The following MYO1A variants were observed in gnomAD, a reference collection of about 807,000 sequenced individuals.
MYO1A encodes unconventional myosin-Ia.
Under a neutral mutation model 138.5 loss-of-function variants are expected in MYO1A, and 127 were observed. The observed-to-expected ratio is 0.92, with a 90% CI of 0.79 to 1.06. The LOEUF is 1.06. MYO1A is among the 50% of genes least tolerant of loss of function. MYO1A has a pLI of 0.00. For synonymous variants in MYO1A, 477 were observed against 497.5 expected, an observed-to-expected ratio of 0.96 and a Z score of 0.55; for missense variants, 1,211 against 1,288.8, an observed-to-expected ratio of 0.94 and a Z score of 0.92.
chr12:57,049,571 A>G (rs909946566), intron 1 of MYO1A, among the ~76,000 whole-genome samples: 1 of 152,248 alleles, frequency 6.6e-6, no homozygotes, highest in African/African-American at 2.4e-5. Context: ...GGAATCATGC[A>G]GCGTTTACCA....
chr12:57,029,543 G>A lies in MYO1A; in HGVS notation c.2769C>T (p.Leu923=). 1 of 1,614,156 alleles carries A rather than the reference G, an allele frequency of 6.2e-7. No homozygotes were observed. Among genetic ancestry groups the A allele is most frequent in the Non-Finnish European group, 8.5e-7 (1 of 1,179,976 alleles). Residue 923 remains leucine, a synonymous_variant, in exon 26 of 28, where the codon CTC becomes CTT. Transcript: ENST00000300119. ...TGGCCTGGGACTTCTTGGTGTCTGTGAGAATCACATGGCCCTTGGTCAGGA... is the reference window on the plus strand; with the variant it reads ...TGGCCTGGGACTTCTTGGTGTCTGTAAGAATCACATGGCCCTTGGTCAGGA... The part of the protein sequence containing the change: ...ILLLTKGHVI[L]TDTKKSQAKI...
chr12:57,046,814 C>T, intron 7 of MYO1A, 49 bp downstream of exon 7: 1 of 1,590,716 alleles, frequency 6.3e-7, no homozygotes, highest in Admixed American at 1.7e-5. Context: ...CAGAAAGGGC[C>T]ATGGGAGGCA....
chr12:57,046,173 C>T (rs2031084213), intron 8 of MYO1A, among the ~76,000 whole-genome samples: 1 of 152,146 alleles, frequency 6.6e-6, no homozygotes, highest in Non-Finnish European at 1.5e-5. Context: ...AACATTCTGC[C>T]TGCTTCCCTG....
In MYO1A at chr12:57,044,172, G is replaced by A; in HGVS notation, c.678C>T (p.Ala226=). The A allele has an allele frequency of 1.2e-6, 2 of 1,614,174 alleles. No individual in the cohort carries two copies. The highest frequency in any genetic ancestry group is 1.3e-5 in the African/African-American group (1 of 75,046). ...CTCTGGATACTTCATGATTCAGATAGGCATAGCCAGTTGTATCCCGCTCAA... is the reference window on the plus strand; with the variant it reads ...CTCTGGATACTTCATGATTCAGATAAGCATAGCCAGTTGTATCCCGCTCAA... ...LKLERDTTGY[A]YLNHEVSRVD... Residue 226 remains alanine (A), a synonymous_variant, in exon 9 of 28, where the codon GCC becomes GCT. Coordinates refer to ENST00000300119, the MANE Select transcript of MYO1A (RefSeq NM_005379.4).
At chr12:57,030,109 C>T in intron 24 of MYO1A, 101 bp downstream of exon 24, 1 of 1,283,318 alleles carries the variant, frequency 7.8e-7, no homozygotes, top group Non-Finnish European at 1.1e-6. Flanking sequence ...AGGGACACAG[C>T]ACCTGGGGGT....
intron 14 of MYO1A, among the ~76,000 whole-genome samples, chr12:57,040,582 G>A (rs1160301280): frequency 6.6e-6 from 1 of 152,176 alleles, no homozygotes; most frequent in African/African-American, 2.4e-5. Flanking sequence ...TTCACACATT[G>A]TGACCACATT....
Position 57,029,455 on chromosome 12 carries a change from A to G in MYO1A, c.2857T>C (p.Phe953Leu). ...VSVTSLKDGLFSLHLSEMSSV... is the reference protein window; with the variant it reads ...VSVTSLKDGLLSLHLSEMSSV... ...GATACCTCACTCAGATGCAAGCTAA[A>G]GAGCCCATCCTTGAGGCTGGTGACT... Residue 953 changes from phenylalanine to leucine, a missense_variant, in exon 26 of 28, where the codon TTT becomes CTT. Transcript: ENST00000300119. The G allele has an allele frequency of 6.2e-7, 1 of 1,614,202 alleles. No homozygotes were observed. Among genetic ancestry groups the G allele is most frequent in the Non-Finnish European group, 8.5e-7 (1 of 1,180,034 alleles).
intron 21 of MYO1A, 122 bp downstream of exon 21, chr12:57,036,650 C>A (rs61939638): frequency 8.2e-6 from 10 of 1,226,988 alleles, no homozygotes; most frequent in East Asian, 7.0e-5. Flanking sequence ...CACACATGGA[C>A]CGGCTGATAC....
rs778233671 is a variant in MYO1A, at chr12:57,031,155, C to G, written c.2369G>C (p.Gly790Ala). 6 of 1,613,900 alleles carry G rather than the reference C, an allele frequency of 3.7e-6. No homozygotes were observed. In the African/African-American group the frequency reaches 5.3e-5, roughly 14 times the overall value. The change falls in exon 23 of 28, where the codon GGG becomes GCG. Residue 790 changes from glycine (G) to alanine (A), a missense_variant. By Grantham distance (60) the Gly-to-Ala change is moderately conservative (BLOSUM62 0). Transcript: ENST00000300119. ...TGTGGATGGCAAATTGTTCTTCAGC[C>G]CCAGTAGGAATTTCTGTACCTAGTT... ...YKSMVQKFLL[G>A]LKNNLPSTNV...
Position 57,029,130 on chromosome 12 carries a change from AC to A in MYO1A, c.3005+1del. ...CCCCTCACCCCCAGTTCATGGCCTC[AC>A]TTCTCAGTCACGGTGACTGTAAGCT... On this transcript the variant is annotated splice_donor_variant, in intron 27 of 27. Coordinates refer to ENST00000300119, the MANE Select transcript of MYO1A (RefSeq NM_005379.4). LOFTEE classifies it high-confidence loss of function. 6.2e-7 allele frequency: 1 copy of A among 1,613,840 alleles called. No individual in the cohort carries two copies. The highest frequency in any genetic ancestry group is 1.1e-5 in the South Asian group (1 of 91,054).
chr12:57,045,735 T>C (rs952198715), intron 8 of MYO1A, among the ~76,000 whole-genome samples: 2 of 152,140 alleles, frequency 1.3e-5, no homozygotes, highest in African/African-American at 4.8e-5. Context: ...CAAACTCCAG[T>C]AGGGCTTAAA....
Position 57,039,239 on chromosome 12 carries a change from A to G in MYO1A, c.1305T>C (p.Asn435=). The part of the protein sequence containing the change: ...IPWTKVDYFD[N]GIICKLIEHN... ...GCTCAATGAGCTTACAAATGATGCC[A>G]TTATCAAAGTAGTCCACCTTTGTCC... Residue 435 remains asparagine (N), a synonymous_variant, in exon 15 of 28, where the codon AAT becomes AAC. Transcript: ENST00000300119. The G allele has an allele frequency of 6.2e-7, 1 of 1,614,162 alleles. No homozygotes were observed.
intron 18 of MYO1A, 26 bp from the exon 19 acceptor site, chr12:57,037,667 G>A (rs1234886715): frequency 6.2e-7 from 1 of 1,603,538 alleles, no homozygotes; most frequent in Admixed American, 1.7e-5. Context: ...ACAGAAAGCT[G>A]CAGAGGGGTA....
rs147007248 is a variant in MYO1A, at chr12:57,038,593, G to A, written c.1579C>T (p.Leu527Phe). The A allele has an allele frequency of 3.1e-6, 5 of 1,614,240 alleles. No homozygotes were observed. The highest frequency in any genetic ancestry group is 4.2e-6 in the Non-Finnish European group (5 of 1,180,046). The change falls in exon 17 of 28, where the codon CTC (leucine) becomes TTC (phenylalanine). Residue 527 changes from leucine to phenylalanine, a missense_variant. By Grantham distance (22) the Leu-to-Phe change is conservative. Transcript: ENST00000300119. ...ATGGCCTGCAACAGGTCTCGGAAGA[G>A]TAGGTCATTATTCTTGTCAATAAAG... ...TSFIDKNNDL[L>F]FRDLLQAMWK...
At position 57,029,865 on chromosome 12, in the gene MYO1A, T is replaced by A. The variant is rs1222375202; in HGVS notation, c.2599A>T (p.Ile867Phe). The A allele has an allele frequency of 6.2e-7, 1 of 1,614,024 alleles. No homozygotes were observed. The highest frequency in any genetic ancestry group is 8.5e-7 in the Non-Finnish European group (1 of 1,180,040). The change falls in exon 25 of 28, where the codon ATT becomes TTT. Residue 867 changes from isoleucine (I) to phenylalanine (F), a missense_variant. Transcript: ENST00000300119. ...CCAATGTAGTCACCACAGAATGGAA[T>A]GGGGACACTGAGAACACATGGGAGG... ...KKASYPQSVP[I>F]PFCGDYIGLQ...
intron 14 of MYO1A, chr12:57,039,496 G>A (rs2030759744): frequency 3.5e-6 from 2 of 568,534 alleles, no homozygotes; most frequent in East Asian, 6.5e-5. Flanking sequence ...GAGCAGCTGT[G>A]AGAGAGGGTG....
At chr12:57,043,749 G>T (rs539711780) in intron 10 of MYO1A, 107 bp downstream of exon 10, 3 of 1,453,480 alleles carry the variant, frequency 2.1e-6, no homozygotes, top group South Asian at 2.4e-5. Flanking sequence ...GGGCTGAGTG[G>T]GACTGCATCA....
intron 17 of MYO1A, 82 bp downstream of exon 17, chr12:57,038,330 C>CA: frequency 6.8e-7 from 1 of 1,461,418 alleles, no homozygotes; most frequent in Non-Finnish European, 9.5e-7. Flanking sequence ...GAAGCACCCC[C>CA]ACATGGACGT....
intron 19 of MYO1A, 141 bp downstream of exon 19, chr12:57,037,407 G>A (rs370165443): frequency 4.3e-5 from 38 of 876,462 alleles, no homozygotes; most frequent in African/African-American, 4.2e-4. Context: ...CCAGGGATAC[G>A]GTTCCTGCAG....
Sources: gnomAD v4.1 joint callset for allele counts (sites outside exome capture counted in the v4.1 genomes callset) on GRCh38, gnomAD v4.1.1 for gene constraint, MANE v1.5 for transcripts, NCBI Gene and HGNC (gene_info 2026-07-23, HGNC 2026-07-21) for gene names.